The following KLF12 variants were observed in gnomAD, a reference collection of about 807,000 sequenced individuals.
The protein encoded by KLF12 is KLF transcription factor 12.
A neutral mutation model predicts 37.8 loss-of-function variants in KLF12; 9 were observed. The observed-to-expected ratio is 0.24, with a 90% confidence interval of 0.14 to 0.42. The LOEUF (loss-of-function observed/expected upper bound fraction) is 0.42. Ranked by LOEUF, KLF12 falls within the 10% of genes least tolerant of loss-of-function variation. The pLI is 1.00. For synonymous variants in KLF12, 208 were observed against 202.1 expected, an observed-to-expected ratio of 1.03 and a Z score of -0.25; for missense variants, 411 against 516.0, an observed-to-expected ratio of 0.80 and a Z score of 1.97.
chr13:74,175,847 A>T, the KLF12 span, among the ~76,000 whole-genome samples: 2 of 152,222 alleles, frequency 1.3e-5, no homozygotes, highest in Admixed American at 6.5e-5. Context: ...TAAAACCTTG[A>T]TGCCAGCTAA....
intron 5 of KLF12, among the ~76,000 whole-genome samples, chr13:73,773,761 G>T (rs557485250): frequency 6.6e-6 from 1 of 152,068 alleles, no homozygotes; most frequent in African/African-American, 2.4e-5. Context: ...CTATCAGCCA[G>T]CCACTCACCT....
At chr13:74,276,222 T>A in the KLF12 span, among the ~76,000 whole-genome samples, 2 of 151,924 alleles carry the variant, frequency 1.3e-5, no homozygotes, top group Non-Finnish European at 2.9e-5. Flanking sequence ...AGTAAGAACA[T>A]GTGGTGTTTG....
At chr13:73,760,623 A>T (rs1019336330) in intron 6 of KLF12, among the ~76,000 whole-genome samples, 1 of 152,136 alleles carries the variant, frequency 6.6e-6, no homozygotes, top group African/African-American at 2.4e-5. Flanking sequence ...ACATTTGGCC[A>T]ATGATTACTA....
chr13:74,018,515 C>T (rs1421366203), intron 1 of KLF12, among the ~76,000 whole-genome samples: 1 of 152,042 alleles, frequency 6.6e-6, no homozygotes, highest in Non-Finnish European at 1.5e-5. Context: ...AACCATTCTA[C>T]GGTGTATATG....
chr13:73,791,674 C>G (rs917837969), intron 5 of KLF12, among the ~76,000 whole-genome samples: 2 of 152,040 alleles, frequency 1.3e-5, no homozygotes, highest in Non-Finnish European at 2.9e-5. Context: ...GATTTGTTTG[C>G]TTGGTTGTTA....
rs967898394 is a variant in KLF12, at chr13:73,686,575, T to C, written c.*8915A>G. 3.3e-5 allele frequency: 5 copies of C among 152,630 alleles called. No individual in the cohort carries two copies. Among genetic ancestry groups the C allele is most frequent in the African/African-American group, 7.2e-5 (3 of 41,466 alleles). 9.5% of individuals were successfully genotyped at this position (152,630 alleles called of 1,614,324 possible). ...ATAAATTCATTTGCAATTAAAATCCTGAACAGAAAACCAAATGAAGATTTA... is the reference window on the plus strand; with the variant it reads ...ATAAATTCATTTGCAATTAAAATCCCGAACAGAAAACCAAATGAAGATTTA... On this transcript the variant is annotated 3_prime_UTR_variant, in exon 8 of 8. Coordinates refer to ENST00000377669, the MANE Select transcript of KLF12 (RefSeq NM_007249.5).
chr13:73,797,914 G>A (rs114650372), intron 5 of KLF12, among the ~76,000 whole-genome samples: 1,564 of 151,938 alleles, frequency 0.01, 25 homozygotes, highest in African/African-American at 0.035. Context: ...AATAACTTCC[G>A]ACACATTCTT....
At chr13:74,279,608 G>T in the KLF12 span, among the ~76,000 whole-genome samples, 1 of 151,570 alleles carries the variant, frequency 6.6e-6, no homozygotes, top group Non-Finnish European at 1.5e-5. Context: ...AACTGAATCA[G>T]CATGTTAAGC....
At chr13:74,283,766 C>A in the KLF12 span, among the ~76,000 whole-genome samples, 12 of 152,142 alleles carry the variant, frequency 7.9e-5, no homozygotes, top group Admixed American at 3.9e-4. Context: ...AAGAATTAAA[C>A]CCTATGCATT....
intron 3 of KLF12, among the ~76,000 whole-genome samples, chr13:73,893,528 C>A (rs9652242): frequency 0.36 from 55,265 of 151,434 alleles, 10,510 homozygotes; most frequent in Non-Finnish European, 0.43. Context: ...ACTATAGGAG[C>A]GCGCTGCTAT....
intron 1 of KLF12, among the ~76,000 whole-genome samples, chr13:74,060,695 A>C (rs1873545380): frequency 6.6e-6 from 1 of 152,122 alleles, no homozygotes; most frequent in South Asian, 2.1e-4. Context: ...TTCTAGGTAT[A>C]AGATCATGCC....
At chr13:73,797,991 T>C (rs1258566089) in intron 5 of KLF12, among the ~76,000 whole-genome samples, 1 of 152,134 alleles carries the variant, frequency 6.6e-6, no homozygotes, top group African/African-American at 2.4e-5. Context: ...ATTTACCATA[T>C]AATCCCTTTA....
intron 3 of KLF12, among the ~76,000 whole-genome samples, chr13:73,927,745 ATTTT>A (rs34515464): frequency 7.4e-6 from 1 of 136,008 alleles, no homozygotes; most frequent in Non-Finnish European, 1.6e-5. Flanking sequence ...ACCCGGCTAA[ATTTT>A]TTTTTTTTTT....
intron 3 of KLF12, among the ~76,000 whole-genome samples, chr13:73,911,368 C>T (rs930215942): frequency 2.0e-5 from 3 of 152,178 alleles, no homozygotes; most frequent in Non-Finnish European, 2.9e-5. Context: ...CATTAGGAAG[C>T]TATTTCAACT....
chr13:73,807,460 AGTT>A (rs1882706970), intron 5 of KLF12, among the ~76,000 whole-genome samples: 3 of 152,204 alleles, frequency 2.0e-5, no homozygotes, highest in South Asian at 4.1e-4. Flanking sequence ...GAAATTCACT[AGTT>A]GTTTTTCTTT....
chr13:74,132,922 A>G (rs959922552), intron 1 of KLF12, among the ~76,000 whole-genome samples: 22 of 152,152 alleles, frequency 1.4e-4, no homozygotes, highest in Admixed American at 1.4e-3. Flanking sequence ...AACACCAACT[A>G]ATGTCGCGGA....
At chr13:73,931,486 C>T (rs913608700) in intron 3 of KLF12, among the ~76,000 whole-genome samples, 14 of 151,840 alleles carry the variant, frequency 9.2e-5, no homozygotes, top group Admixed American at 5.9e-4. Context: ...GTATAGAAGT[C>T]AGAAGCTACT....
intron 4 of KLF12, among the ~76,000 whole-genome samples, chr13:73,831,322 C>T (rs910689730): frequency 1.3e-5 from 2 of 151,980 alleles, no homozygotes; most frequent in African/African-American, 4.8e-5. Flanking sequence ...TTTCTCATTG[C>T]AAAACACTGA....
At chr13:73,919,461 T>G (rs879836206) in intron 3 of KLF12, among the ~76,000 whole-genome samples, 1 of 152,206 alleles carries the variant, frequency 6.6e-6, no homozygotes, top group African/African-American at 2.4e-5. Context: ...GAAAGAACAC[T>G]GTCTTTCTCT....
Sources: gnomAD v4.1 joint callset for allele counts (sites outside exome capture counted in the v4.1 genomes callset) on GRCh38, gnomAD v4.1.1 for gene constraint, MANE v1.5 for transcripts, NCBI Gene and HGNC (gene_info 2026-07-23, HGNC 2026-07-21) for gene names.